The following DPCD variants were observed in gnomAD, a reference collection of about 807,000 sequenced individuals.
DPCD encodes the protein protein DPCD.
Under a neutral mutation model 26.4 loss-of-function variants are expected in DPCD, and 20 were observed. The observed-to-expected ratio is 0.76, with a 90% CI of 0.53 to 1.10. The LOEUF (loss-of-function observed/expected upper bound fraction) is 1.10, where lower values mean the gene tolerates loss of function less well. DPCD is among the 50% of genes least tolerant of loss of function. The pLI is 0.00. For missense variants in DPCD, 202 were observed against 253.9 expected (o/e 0.80, Z 1.39); for synonymous variants, 97 against 94.2 (o/e 1.03, Z -0.17).
chr10:101,599,816 C>T (rs2063679256), intron 2 of DPCD, among the ~76,000 whole-genome samples: 1 of 152,196 alleles, frequency 6.6e-6, no homozygotes, highest in African/African-American at 2.4e-5. Flanking sequence ...GCTCCTCAGG[C>T]TGGAGGATAC....
At chr10:101,609,148 G>C (rs2063754998) in intron 5 of DPCD, 2 of 642,814 alleles carry the variant, frequency 3.1e-6, no homozygotes, top group Admixed American at 5.7e-5. Flanking sequence ...GAAGAGGGTA[G>C]AGGGTGAAAG....
At position 101,601,266 on chromosome 10, in the gene DPCD, C is replaced by G. The variant is rs1589726515; in HGVS notation, c.334C>G (p.Pro112Ala). The change falls in exon 4 of 6, where the codon CCT (proline) becomes GCT (alanine). Residue 112 changes from proline (P) to alanine (A), a missense_variant. By Grantham distance (27) the Pro-to-Ala change is conservative. Coordinates refer to ENST00000370151, the MANE Select transcript of DPCD (RefSeq NM_015448.3). ...GTGGCGGATTCGAAACCTCCCCTAT[C>G]CTAAGGATGTCTATAGTGTCTCTGT... Reference protein sequence around the residue: ...FQWRIRNLPYPKDVYSVSVDQ... With the variant: ...FQWRIRNLPYAKDVYSVSVDQ... The G allele has an allele frequency of 6.2e-7, 1 of 1,613,836 alleles. No homozygotes were observed. Among genetic ancestry groups the G allele is most frequent in the South Asian group, 1.1e-5 (1 of 91,064 alleles).
chr10:101,608,852 C>A lies in DPCD; in HGVS notation c.422C>A (p.Ser141Tyr). The A allele has an allele frequency of 1.2e-6, 2 of 1,613,616 alleles. No individual in the cohort carries two copies. The highest frequency in any genetic ancestry group is 2.2e-5 in the South Asian group (2 of 91,044). Reference sequence around the variant, plus strand: ...CCCCACAGGTACTACAAGAAGTTCTCCATTCCTGATCTAGATAGACACCAG... The same window carrying A: ...CCCCACAGGTACTACAAGAAGTTCTACATTCCTGATCTAGATAGACACCAG... ...TTNKKYYKKFSIPDLDRHQLP... is the reference protein window; with the variant it reads ...TTNKKYYKKFYIPDLDRHQLP... The change falls in exon 5 of 6, where the codon TCC (serine) becomes TAC (tyrosine). Residue 141 changes from serine to tyrosine, a missense_variant. By Grantham distance (144) the Ser-to-Tyr change is moderately radical. Around this residue, in one of 3 missense-constraint regions of DPCD, gnomAD observed 118 missense variants for 145.1 expected, o/e 0.81. Coordinates refer to ENST00000370151, the MANE Select transcript of DPCD (RefSeq NM_015448.3).
At chr10:101,588,463 G>GT (rs2063520839) in intron 1 of DPCD, 63 bp downstream of exon 1, 1 of 1,544,516 alleles carries the variant, frequency 6.5e-7, no homozygotes, top group African/African-American at 1.4e-5. Context: ...CCTCCGGGAA[G>GT]GGCCTCAGGG....
rs754808265 is a variant in DPCD at position 101,608,936 on chromosome 10, CTG to C, written c.507+1_507+2del. 9 of 1,610,908 alleles carry C rather than the reference CTG, an allele frequency of 5.6e-6. No homozygotes were observed. The Admixed American group carries it at 1.5e-4, about 27-fold the overall frequency. Reference sequence around the variant, plus strand: ...CACGCCAACTGCACCCTGATCATCTCTGTAAGATTCACCCAGACTTCTTGGAC... The same window carrying C: ...CACGCCAACTGCACCCTGATCATCTCTAAGATTCACCCAGACTTCTTGGAC... On this transcript the variant is annotated splice_donor_variant and coding_sequence_variant, in exon 5 of 6. Transcript: ENST00000370151. LOFTEE classifies it high-confidence loss of function.
chr10:101,607,002 G>A (rs555710600), intron 4 of DPCD, among the ~76,000 whole-genome samples: 1 of 152,284 alleles, frequency 6.6e-6, no homozygotes, highest in Non-Finnish European at 1.5e-5. Context: ...CTTGCCTGGT[G>A]GTAGGAGTAG....
chr10:101,591,509 G>T (rs937415363), intron 1 of DPCD, among the ~76,000 whole-genome samples: 1 of 152,130 alleles, frequency 6.6e-6, no homozygotes, highest in African/African-American at 2.4e-5. Context: ...TGTAGGAGGG[G>T]TGTGGGGAGT....
At chr10:101,596,324 A>G (rs2063651647) in intron 2 of DPCD, among the ~76,000 whole-genome samples, 1 of 152,178 alleles carries the variant, frequency 6.6e-6, no homozygotes, top group Non-Finnish European at 1.5e-5. Flanking sequence ...GCACCATGCT[A>G]AGTGCTCTAC....
At chr10:101,597,350 A>G (rs563062992) in intron 2 of DPCD, among the ~76,000 whole-genome samples, 5 of 152,364 alleles carry the variant, frequency 3.3e-5, no homozygotes, top group African/African-American at 1.2e-4. Context: ...TAATTGCCAC[A>G]TAGCAATGTT....
intron 2 of DPCD, chr10:101,596,612 G>A (rs1035050320): frequency 2.0e-5 from 3 of 152,116 alleles, no homozygotes; most frequent in African/African-American, 7.2e-5. Context: ...AGTGTGGACT[G>A]ATGGGCAGAC....
At chr10:101,608,134 G>A (rs1038856203) in intron 4 of DPCD, among the ~76,000 whole-genome samples, 7 of 151,798 alleles carry the variant, frequency 4.6e-5, no homozygotes, top group Admixed American at 2.6e-4. Context: ...ATCATTAATC[G>A]CTGAACCGGC....
In DPCD at chr10:101,602,883, G is replaced by A. The variant is rs151073939; in HGVS notation, c.404+1547G>A. On this transcript the variant is annotated intron_variant, in intron 4 of 5. Transcript: ENST00000370151. ...AGAAATGTGATTACCAGGGAGTGAGGAAAGAGGCTAGCTAGCTCACCAAAA... is the reference window on the plus strand; with the variant it reads ...AGAAATGTGATTACCAGGGAGTGAGAAAAGAGGCTAGCTAGCTCACCAAAA... Among the ~76,000 whole-genome samples the A allele has an allele frequency of 6.4e-3, 979 of 152,352 alleles. 4 individuals carry two copies. Among genetic ancestry groups the A allele is most frequent in the Non-Finnish European group, 9.7e-3 (663 of 68,024 alleles).
rs1193643317 is a variant in DPCD, at chr10:101,588,412, G to T, written c.64+12G>T. 1 of 1,583,782 alleles carries T rather than the reference G, an allele frequency of 6.3e-7. No homozygotes were observed. Among genetic ancestry groups the T allele is most frequent in the Non-Finnish European group, 8.6e-7 (1 of 1,163,966 alleles). On this transcript the variant is annotated intron_variant, in intron 1 of 5. Transcript: ENST00000370151. Reference sequence around the variant, plus strand: ...GCTGCTGCAGGACGGTAACTCGAGGGTCCCCACGGGCTCCTTCGTTTTTTT... The same window carrying T: ...GCTGCTGCAGGACGGTAACTCGAGGTTCCCCACGGGCTCCTTCGTTTTTTT...
chr10:101,606,582 G>T (rs1409759306), intron 4 of DPCD, among the ~76,000 whole-genome samples: 1 of 152,200 alleles, frequency 6.6e-6, no homozygotes, highest in Non-Finnish European at 1.5e-5. Flanking sequence ...CTCCCAAAGT[G>T]CTGGGATTAC....
intron 1 of DPCD, 185 bp downstream of exon 1, chr10:101,588,585 G>A (rs1250014882): frequency 2.1e-6 from 3 of 1,424,758 alleles, no homozygotes; most frequent in African/African-American, 1.4e-5. Flanking sequence ...ACATGTCTCC[G>A]GACACCCCTT....
Position 101,588,327 on chromosome 10 carries a change from C to T in DPCD, c.-10C>T. ...GGCAGCGGCTGGGCGTGCTGCTTAG[C>T]AGGGGAAAGATGGCGGTGACGGGCT... is the stretch of plus-strand genomic sequence containing the variant. On this transcript the variant is annotated 5_prime_UTR_variant, in exon 1 of 6. Transcript: ENST00000370151. 6.2e-7 allele frequency: 1 copy of T among 1,600,436 alleles called. No individual in the cohort carries two copies. Among genetic ancestry groups the T allele is most frequent in the Non-Finnish European group, 8.5e-7 (1 of 1,172,548 alleles).
intron 4 of DPCD, among the ~76,000 whole-genome samples, chr10:101,606,488 T>A (rs1000618098): frequency 6.6e-6 from 1 of 152,042 alleles, no homozygotes. Flanking sequence ...TCCTTTTCTT[T>A]TAATTTTTTG....
chr10:101,608,815 G>A lies in DPCD; in HGVS notation c.405-20G>A. 1 of 1,581,838 alleles carries A rather than the reference G, an allele frequency of 6.3e-7. No homozygotes were observed. On this transcript the variant is annotated intron_variant, in intron 4 of 5. Coordinates refer to ENST00000370151, the MANE Select transcript of DPCD (RefSeq NM_015448.3). The stretch of plus-strand genomic sequence containing the variant: ...GGTCACCTTGCCGAGTGCCCCAATG[G>A]CCTCTCGGTGTCCCCACAGGTACTA...
intron 4 of DPCD, among the ~76,000 whole-genome samples, chr10:101,605,449 G>A (rs2063727340): frequency 6.6e-6 from 1 of 152,150 alleles, no homozygotes; most frequent in South Asian, 2.1e-4. Context: ...GCCTGTTCTG[G>A]GCCCTTTGAC....
Sources: allele counts gnomAD v4.1 joint callset (sites outside exome capture counted in the v4.1 genomes callset), GRCh38; gene constraint gnomAD v4.1.1; regional missense constraint gnomAD v4.1.1; transcripts MANE v1.5; gene names NCBI Gene and HGNC (gene_info 2026-07-23, HGNC 2026-07-21).